HS6ST3: variants seen among roughly 807,000 people sequenced by gnomAD.
HS6ST3 encodes the protein heparan sulfate 6-O-sulfotransferase 3.
A neutral mutation model predicts 36.7 loss-of-function variants in HS6ST3; 12 were observed. That is an observed-to-expected ratio of 0.33 (90% CI 0.21 to 0.53). The LOEUF (loss-of-function observed/expected upper bound fraction) is 0.53. Among genes scored for constraint, HS6ST3 ranks in the 20% least tolerant of loss-of-function variants. The pLI is 0.95. For missense variants in HS6ST3, 584 were observed against 640.9 expected (o/e 0.91, Z 0.96); for synonymous variants, 240 against 257.5 (o/e 0.93, Z 0.65).
rs56733868 is a variant in HS6ST3, at chr13:96,801,251, C to T, written c.708-31239C>T. Among the ~76,000 whole-genome samples the T allele has an allele frequency of 7.0e-3, 1,072 of 152,212 alleles. 16 individuals are homozygous for T. Among genetic ancestry groups the T allele is most frequent in the African/African-American group, 0.024 (1,000 of 41,540 alleles). On this transcript the variant is annotated intron_variant, in intron 1 of 1. Coordinates refer to ENST00000376705, the MANE Select transcript of HS6ST3 (RefSeq NM_153456.4). Reference sequence around the variant, plus strand: ...CTCTGGCAATCCCAAGGATGCAAAACATTGAGTTCCTTTCAGATTCAAGGT... The same window carrying T: ...CTCTGGCAATCCCAAGGATGCAAAATATTGAGTTCCTTTCAGATTCAAGGT...
At chr13:96,295,857 C>T (rs1925117) in intron 1 of HS6ST3, among the ~76,000 whole-genome samples, 18,396 of 151,984 alleles carry the variant, frequency 0.12, 1,240 homozygotes, top group African/African-American at 0.17. Context: ...TGTGGTTACA[C>T]ACATAGGAGG....
chr13:96,790,379 A>G (rs1022323309), intron 1 of HS6ST3, among the ~76,000 whole-genome samples: 3 of 151,772 alleles, frequency 2.0e-5, no homozygotes, highest in Non-Finnish European at 4.4e-5. Context: ...AAGTCCCAAG[A>G]ACTCACTCAA....
At chr13:96,290,097 C>T (rs1296190534) in intron 1 of HS6ST3, among the ~76,000 whole-genome samples, 1 of 152,064 alleles carries the variant, frequency 6.6e-6, no homozygotes, top group East Asian at 1.9e-4. Context: ...TCCTGTTGGT[C>T]ATTGATTGTC....
intron 1 of HS6ST3, among the ~76,000 whole-genome samples, chr13:96,482,908 T>C (rs541739149): frequency 6.6e-6 from 1 of 152,352 alleles, no homozygotes. Flanking sequence ...ATGTGCATTT[T>C]CTTCCTAATG....
rs183834581 is a variant in HS6ST3 at position 96,304,030 on chromosome 13, T to C, written c.707+212461T>C. ...TGATGGTGTGCACCTGTAGTTCCAG[T>C]TACGGGGGAGGCTGAGGCAGGAGAA... On this transcript the variant is annotated intron_variant, in intron 1 of 1. Coordinates refer to ENST00000376705, the MANE Select transcript of HS6ST3 (RefSeq NM_153456.4). Among the ~76,000 whole-genome samples, 110 of 151,920 alleles carry C rather than the reference T, an allele frequency of 7.2e-4. 2 individuals are homozygous for C. The highest frequency in any genetic ancestry group is 2.5e-3 in the African/African-American group (105 of 41,414).
chr13:96,480,729 T>C (rs2055886653), intron 1 of HS6ST3, among the ~76,000 whole-genome samples: 2 of 152,148 alleles, frequency 1.3e-5, no homozygotes, highest in African/African-American at 4.8e-5. Flanking sequence ...GCCGTCTTAG[T>C]GTTATGTTTC....
intron 1 of HS6ST3, among the ~76,000 whole-genome samples, chr13:96,213,723 G>T (rs1219084786): frequency 6.6e-6 from 1 of 152,136 alleles, no homozygotes; most frequent in Non-Finnish European, 1.5e-5. Context: ...TAGCATGTAG[G>T]TGTTTAAGGT....
intron 1 of HS6ST3, among the ~76,000 whole-genome samples, chr13:96,484,593 T>A (rs2055905210): frequency 6.6e-6 from 1 of 152,224 alleles, no homozygotes; most frequent in African/African-American, 2.4e-5. Flanking sequence ...AGTGAGATCA[T>A]ACAGTATTTG....
chr13:96,801,708 C>T (rs922576046), intron 1 of HS6ST3, among the ~76,000 whole-genome samples: 5 of 152,032 alleles, frequency 3.3e-5, no homozygotes, highest in African/African-American at 4.8e-5. Context: ...TCCATCTCCA[C>T]GCCTGTCCCT....
At chr13:96,198,939 A>G (rs1349558353) in intron 1 of HS6ST3, among the ~76,000 whole-genome samples, 1 of 152,214 alleles carries the variant, frequency 6.6e-6, no homozygotes, top group Non-Finnish European at 1.5e-5. Context: ...TGCTGCTGAT[A>G]AAGACATACC....
chr13:96,239,968 A>G (rs1463584314), intron 1 of HS6ST3, among the ~76,000 whole-genome samples: 1 of 152,318 alleles, frequency 6.6e-6, no homozygotes, highest in African/African-American at 2.4e-5. Flanking sequence ...ATGTTTAGTC[A>G]CTTTGGAATC....
intron 1 of HS6ST3, among the ~76,000 whole-genome samples, chr13:96,145,690 G>T (rs978105810): frequency 7.9e-5 from 12 of 152,070 alleles, no homozygotes; most frequent in African/African-American, 2.9e-4. Context: ...GTCTTTTGTT[G>T]CCATTGCTTT....
chr13:96,655,770 G>C (rs1322716074), intron 1 of HS6ST3, among the ~76,000 whole-genome samples: 1 of 152,052 alleles, frequency 6.6e-6, no homozygotes, highest in Non-Finnish European at 1.5e-5. Flanking sequence ...TGGGAATTGG[G>C]TGATGTTGGC....
At chr13:96,172,980 G>C (rs2054195310) in intron 1 of HS6ST3, among the ~76,000 whole-genome samples, 1 of 152,156 alleles carries the variant, frequency 6.6e-6, no homozygotes, top group South Asian at 2.1e-4. Flanking sequence ...GGATTGAGCA[G>C]CTGCTATTTG....
At chr13:96,409,147 G>T (rs1197473452) in intron 1 of HS6ST3, among the ~76,000 whole-genome samples, 2 of 152,100 alleles carry the variant, frequency 1.3e-5, no homozygotes, top group Admixed American at 1.3e-4. Flanking sequence ...TATTTGGCTG[G>T]ATATGGAAGG....
chr13:96,347,140 A>G (rs1451436994), intron 1 of HS6ST3, among the ~76,000 whole-genome samples: 1 of 152,208 alleles, frequency 6.6e-6, no homozygotes, highest in African/African-American at 2.4e-5. Context: ...CAAAGGGCCC[A>G]GATAAGCTGT....
At chr13:96,405,787 C>A (rs182642200) in intron 1 of HS6ST3, among the ~76,000 whole-genome samples, 2 of 152,102 alleles carry the variant, frequency 1.3e-5, no homozygotes, top group African/African-American at 4.8e-5. Flanking sequence ...CAGTAGATTT[C>A]GGAGGATTGT....
intron 1 of HS6ST3, among the ~76,000 whole-genome samples, chr13:96,659,337 T>C (rs914521138): frequency 5.9e-5 from 9 of 152,166 alleles, no homozygotes; most frequent in African/African-American, 2.2e-4. Flanking sequence ...AAATCTTTTG[T>C]TCAATTTTAA....
At chr13:96,225,701 C>A (rs1594722706) in intron 1 of HS6ST3, among the ~76,000 whole-genome samples, 1 of 151,886 alleles carries the variant, frequency 6.6e-6, no homozygotes, top group Admixed American at 6.6e-5. Context: ...GTTTTTTATT[C>A]TGTGTTATTT....
Sources: allele counts gnomAD v4.1 joint callset (sites outside exome capture counted in the v4.1 genomes callset), GRCh38; gene constraint gnomAD v4.1.1; transcripts MANE v1.5; gene names NCBI Gene and HGNC (gene_info 2026-07-23, HGNC 2026-07-21).